CDKAL1: variants seen among roughly 807,000 people sequenced by gnomAD.
CDKAL1 encodes threonylcarbamoyladenosine tRNA methylthiotransferase.
Under a neutral mutation model 68.2 loss-of-function variants are expected in CDKAL1, and 32 were observed. The ratio of observed to expected loss-of-function variants is 0.47; its 90% CI spans 0.35 to 0.63. CDKAL1 has a LOEUF of 0.63. CDKAL1 is among the 30% of genes least tolerant of loss of function. The pLI is 0.00. For missense variants in CDKAL1, 606 were observed against 696.7 expected, an observed-to-expected ratio of 0.87 and a Z score of 1.47; for synonymous variants, 234 against 244.3, an observed-to-expected ratio of 0.96 and a Z score of 0.39.
At chr6:20,896,912 C>T (rs1261966723) in intron 9 of CDKAL1, among the ~76,000 whole-genome samples, 1 of 152,126 alleles carries the variant, frequency 6.6e-6, no homozygotes, top group African/African-American at 2.4e-5. Flanking sequence ...TTCTTGGGTT[C>T]GGAGGATGGT....
chr6:20,998,067 A>G (rs966310780), intron 10 of CDKAL1, among the ~76,000 whole-genome samples: 1 of 152,142 alleles, frequency 6.6e-6, no homozygotes, highest in African/African-American at 2.4e-5. Flanking sequence ...TTCATCTCGC[A>G]AAGTGTATTA....
At chr6:20,840,158 G>A (rs769618923) in intron 8 of CDKAL1, among the ~76,000 whole-genome samples, 1 of 152,058 alleles carries the variant, frequency 6.6e-6, no homozygotes, top group East Asian at 1.9e-4. Context: ...TTTCCTCTAC[G>A]GAAGAATAAT....
At chr6:20,777,492 A>G (rs1320002699) in intron 7 of CDKAL1, among the ~76,000 whole-genome samples, 2 of 152,058 alleles carry the variant, frequency 1.3e-5, no homozygotes, top group East Asian at 3.9e-4. Flanking sequence ...GCGCACACCT[A>G]TAGTCTCAGC....
chr6:21,175,540 C>G (rs1416417107), intron 13 of CDKAL1, among the ~76,000 whole-genome samples: 1 of 152,142 alleles, frequency 6.6e-6, no homozygotes, highest in Non-Finnish European at 1.5e-5. Context: ...TTATAATTAG[C>G]TTCTACTTTT....
chr6:20,629,145 C>T (rs1238224024), intron 4 of CDKAL1, among the ~76,000 whole-genome samples: 2 of 152,048 alleles, frequency 1.3e-5, no homozygotes, highest in Admixed American at 6.5e-5. Flanking sequence ...CTTTACTTGC[C>T]TTTATATCTT....
intron 10 of CDKAL1, among the ~76,000 whole-genome samples, chr6:20,977,596 G>A (rs935743274): frequency 6.6e-6 from 1 of 152,100 alleles, no homozygotes; most frequent in South Asian, 2.1e-4. Flanking sequence ...ATATAGGCTG[G>A]GCATGGTGCT....
intron 9 of CDKAL1, among the ~76,000 whole-genome samples, chr6:20,939,166 G>A (rs1165546453): frequency 6.6e-6 from 1 of 152,002 alleles, no homozygotes; most frequent in Non-Finnish European, 1.5e-5. Flanking sequence ...TTGGGGGTGG[G>A]GTGGAGAGGC....
At chr6:20,835,780 C>A (rs1777913493) in intron 8 of CDKAL1, among the ~76,000 whole-genome samples, 1 of 152,036 alleles carries the variant, frequency 6.6e-6, no homozygotes, top group African/African-American at 2.4e-5. Flanking sequence ...GAACTGCTGA[C>A]CTCAAGTGAT....
intron 10 of CDKAL1, among the ~76,000 whole-genome samples, chr6:20,972,313 A>T (rs1302828988): frequency 6.6e-6 from 1 of 152,170 alleles, no homozygotes; most frequent in Non-Finnish European, 1.5e-5. Context: ...GGCCAAGTTC[A>T]TGAGGCCTCA....
At chr6:20,723,046 G>A (rs1275378307) in intron 5 of CDKAL1, among the ~76,000 whole-genome samples, 3 of 152,098 alleles carry the variant, frequency 2.0e-5, no homozygotes, top group Non-Finnish European at 4.4e-5. Flanking sequence ...AAGAGCTTGG[G>A]ACCCATCAAC....
intron 4 of CDKAL1, among the ~76,000 whole-genome samples, chr6:20,648,773 A>G (rs1561995655): frequency 6.6e-6 from 1 of 152,220 alleles, no homozygotes; most frequent in Non-Finnish European, 1.5e-5. Flanking sequence ...TATTTGTTGC[A>G]TTGCCAGTGA....
chr6:20,706,331 A>T (rs1771593980), intron 5 of CDKAL1, among the ~76,000 whole-genome samples: 1 of 152,074 alleles, frequency 6.6e-6, no homozygotes, highest in Non-Finnish European at 1.5e-5. Flanking sequence ...GGGGAAGAAA[A>T]AATCTCTCAG....
intron 15 of CDKAL1, among the ~76,000 whole-genome samples, chr6:21,221,674 A>G (rs924376346): frequency 5.3e-5 from 8 of 152,214 alleles, no homozygotes; most frequent in African/African-American, 1.7e-4. Flanking sequence ...AGCCTGTTCT[A>G]AACTCTAATT....
chr6:21,194,872 G>A (rs1279070143), intron 13 of CDKAL1, among the ~76,000 whole-genome samples: 1 of 152,086 alleles, frequency 6.6e-6, no homozygotes. Flanking sequence ...TTCTCTTAAA[G>A]GTTGTATTTG....
chr6:20,699,362 CATCT>C (rs1201232940), intron 5 of CDKAL1, among the ~76,000 whole-genome samples: 4 of 151,416 alleles, frequency 2.6e-5, no homozygotes, highest in Non-Finnish European at 5.9e-5. Flanking sequence ...GTAGCATTAT[CATCT>C]TTTTTAGTTA....
At chr6:20,673,683 G>A (rs544780530) in intron 5 of CDKAL1, among the ~76,000 whole-genome samples, 1 of 152,316 alleles carries the variant, frequency 6.6e-6, no homozygotes, top group East Asian at 1.9e-4. Flanking sequence ...CTGTTCTCAT[G>A]ATAGTGCATG....
rs539434147 is a variant in CDKAL1 at position 20,786,590 on chromosome 6, C to T, written c.638+5325C>T. The stretch of plus-strand genomic sequence containing the variant: ...TCAGCTCACTGCAAGCTCCGCCTCC[C>T]GGGTTCAAGCGATTCTCCTGCCTCA... On this transcript the variant is annotated intron_variant, in intron 8 of 15. Transcript: ENST00000274695. Among the ~76,000 whole-genome samples the T allele has an allele frequency of 2.7e-5, 4 of 150,784 alleles. No homozygotes were observed. In the East Asian group the frequency reaches 5.9e-4, roughly 22 times the overall value.
chr6:20,970,560 A>G (rs1269699684), intron 10 of CDKAL1, among the ~76,000 whole-genome samples: 2 of 152,162 alleles, frequency 1.3e-5, no homozygotes, highest in African/African-American at 2.4e-5. Context: ...TGTGAAGTTG[A>G]ATCACTTTTC....
At chr6:21,215,649 C>T (rs1779314874) in intron 15 of CDKAL1, among the ~76,000 whole-genome samples, 1 of 152,056 alleles carries the variant, frequency 6.6e-6, no homozygotes, top group African/African-American at 2.4e-5. Flanking sequence ...GAAATCTAAA[C>T]GTTAATGGAA....
Sources: allele counts gnomAD v4.1 joint callset (sites outside exome capture counted in the v4.1 genomes callset), GRCh38; gene constraint gnomAD v4.1.1; transcripts MANE v1.5; gene names NCBI Gene and HGNC (gene_info 2026-07-23, HGNC 2026-07-21).